PCBP3: variants seen among roughly 807,000 people sequenced by gnomAD.
The protein encoded by PCBP3 is poly(rC)-binding protein 3.
PCBP3 carries 25 observed loss-of-function variants against 52.7 expected under a neutral mutation model. The ratio of observed to expected loss-of-function variants is 0.47; its 90% CI spans 0.35 to 0.66. PCBP3 has a LOEUF of 0.66. Ranked by LOEUF, PCBP3 falls within the 30% of genes least tolerant of loss-of-function variation. The pLI is 0.01. For missense variants in PCBP3, 391 were observed against 490.3 expected (o/e 0.80, Z 1.91); for synonymous variants, 162 against 183.0 (o/e 0.89, Z 0.93).
intron 9 of PCBP3, among the ~76,000 whole-genome samples, chr21:45,902,968 C>T (rs925938278): frequency 7.2e-5 from 11 of 152,242 alleles, no homozygotes; most frequent in African/African-American, 1.4e-4. Context: ...ATCCCTTCCA[C>T]GAGTACACAA....
Position 45,737,420 on chromosome 21 carries a change from T to G in PCBP3, c.-162+1991T>G, listed in dbSNP as rs1052851594. Among the ~76,000 whole-genome samples, 3 of 152,248 alleles carry G rather than the reference T, an allele frequency of 2.0e-5. No homozygotes were observed. Among genetic ancestry groups the G allele is most frequent in the Admixed American group, 1.3e-4 (2 of 15,288 alleles). On this transcript the variant is annotated intron_variant, in intron 3 of 17. Transcript: ENST00000681687. The surrounding 1 kb of genome is among the most constrained non-coding windows in gnomAD (Gnocchi z 4.9). The stretch of plus-strand genomic sequence containing the variant: ...CTCTCAAGGGAAGAGCCTCTGGGAC[T>G]CAGACAGATAAACAACACCTGTTAT...
intron 12 of PCBP3, chr21:45,914,507 G>T (rs1007909090): frequency 4.8e-6 from 1 of 208,326 alleles, no homozygotes; most frequent in Non-Finnish European, 9.5e-6. Flanking sequence ...CGACGACCGG[G>T]CGTCTGTGCC....
At chr21:45,751,605 C>T (rs2087513248) in intron 3 of PCBP3, 1 of 152,318 alleles carries the variant, frequency 6.6e-6, no homozygotes, top group Non-Finnish European at 1.5e-5. Flanking sequence ...TTTGCAGTTA[C>T]ACCCAGTGCA....
chr21:45,649,139 A>G (rs2079518239), intron 1 of PCBP3, among the ~76,000 whole-genome samples: 1 of 152,232 alleles, frequency 6.6e-6, no homozygotes, highest in African/African-American at 2.4e-5. Context: ...AGGCCTCACA[A>G]TGATGGCGGA....
chr21:45,712,613 G>T (rs1274014200), intron 2 of PCBP3, among the ~76,000 whole-genome samples: 1 of 152,028 alleles, frequency 6.6e-6, no homozygotes, highest in Admixed American at 6.5e-5. Flanking sequence ...ACGTTGGTTT[G>T]TGGTCAGCAT....
chr21:45,658,169 C>T (rs975931782), intron 1 of PCBP3, among the ~76,000 whole-genome samples: 19 of 152,044 alleles, frequency 1.2e-4, no homozygotes, highest in Non-Finnish European at 4.4e-5. Context: ...TTATTTTTGT[C>T]CTTTATTATA....
intron 4 of PCBP3, among the ~76,000 whole-genome samples, chr21:45,808,382 A>G (rs1039283812): frequency 6.6e-6 from 1 of 152,258 alleles, no homozygotes; most frequent in African/African-American, 2.4e-5. Flanking sequence ...TGGGCAAAGG[A>G]TATGAACAGT....
intron 4 of PCBP3, among the ~76,000 whole-genome samples, chr21:45,806,925 A>G (rs779529256): frequency 3.0e-4 from 45 of 150,768 alleles, no homozygotes; most frequent in Non-Finnish European, 5.8e-4. Context: ...TGCAGCACTC[A>G]CTCTCTGTGG....
chr21:45,648,136 C>A (rs1254371964), intron 1 of PCBP3, among the ~76,000 whole-genome samples: 1 of 152,108 alleles, frequency 6.6e-6, no homozygotes, highest in Non-Finnish European at 1.5e-5. Flanking sequence ...GGTTTCTAGC[C>A]CAGTGAGACC....
intron 4 of PCBP3, among the ~76,000 whole-genome samples, chr21:45,794,425 G>T (rs1377226521): frequency 2.0e-5 from 3 of 151,990 alleles, no homozygotes; most frequent in African/African-American, 4.8e-5. Flanking sequence ...CTAAAATTAA[G>T]TAAATAGGAG....
intron 4 of PCBP3, among the ~76,000 whole-genome samples, chr21:45,849,471 G>A (rs183004990): frequency 6.6e-6 from 1 of 152,232 alleles, no homozygotes; most frequent in East Asian, 1.9e-4. Context: ...CTCCCAAAGT[G>A]CTGGGATTAC....
intron 17 of PCBP3, 105 bp downstream of exon 17, chr21:45,940,304 C>T: frequency 1.1e-6 from 1 of 912,878 alleles, no homozygotes. Context: ...CAGTCTGGGC[C>T]ACACTCTGCC....
intron 3 of PCBP3, among the ~76,000 whole-genome samples, chr21:45,742,664 A>G (rs1289561455): frequency 6.6e-6 from 1 of 152,146 alleles, no homozygotes; most frequent in East Asian, 1.9e-4. Flanking sequence ...ATTTTTTCTT[A>G]TATTAGAAAC....
chr21:45,734,261 A>G (rs1240272813), intron 2 of PCBP3, among the ~76,000 whole-genome samples: 1 of 152,048 alleles, frequency 6.6e-6, no homozygotes, highest in Non-Finnish European at 1.5e-5. Context: ...CTCTTCCCAG[A>G]TCTGTGTGAG....
intron 5 of PCBP3, among the ~76,000 whole-genome samples, chr21:45,882,588 A>G (rs1309936055): frequency 6.6e-6 from 1 of 152,228 alleles, no homozygotes; most frequent in African/African-American, 2.4e-5. Flanking sequence ...TATTTAAAAA[A>G]AAATCATTAA....
chr21:45,792,412 A>G (rs1419166509), intron 4 of PCBP3, among the ~76,000 whole-genome samples: 1 of 152,236 alleles, frequency 6.6e-6, no homozygotes, highest in Non-Finnish European at 1.5e-5. Flanking sequence ...CCCCTCTGGG[A>G]TAAGAGGTTA....
At chr21:45,709,837 C>T (rs577488634) in intron 2 of PCBP3, among the ~76,000 whole-genome samples, 9 of 152,314 alleles carry the variant, frequency 5.9e-5, no homozygotes, top group Non-Finnish European at 1.2e-4. Context: ...ATTGTGGTTC[C>T]TCAGGCTCCT....
chr21:45,869,295 G>C (rs2094898651), intron 5 of PCBP3: 1 of 152,252 alleles, frequency 6.6e-6, no homozygotes, highest in Admixed American at 6.5e-5. Flanking sequence ...CTGGGCAGTG[G>C]GCAGCGTCTG....
At chr21:45,894,567 C>T (rs1281404915) in intron 5 of PCBP3, among the ~76,000 whole-genome samples, 2 of 152,244 alleles carry the variant, frequency 1.3e-5, no homozygotes, top group African/African-American at 4.8e-5. Context: ...GATCTGTCTA[C>T]ACGAATGCAC....
Sources: gnomAD v4.1 joint callset for allele counts (sites outside exome capture counted in the v4.1 genomes callset) on GRCh38, gnomAD v4.1.1 for gene constraint, Gnocchi (gnomAD v3.1) non-coding constraint, MANE v1.5 for transcripts, NCBI Gene and HGNC (gene_info 2026-07-23, HGNC 2026-07-21) for gene names.